DYSF: variants seen among roughly 807,000 people sequenced by gnomAD.
The protein encoded by DYSF is dystrophy-associated fer-1-like 1.
In DYSF, 212 loss-of-function variants were observed where a neutral mutation model predicts 274.9. The ratio of observed to expected loss-of-function variants is 0.77; its 90% CI spans 0.69 to 0.86. DYSF has a LOEUF of 0.86. Among genes scored for constraint, DYSF ranks in the 40% least tolerant of loss-of-function variants. The probability of loss-of-function intolerance (pLI) is 0.00; values close to 1 mark genes in which losing one functional copy is unlikely to be tolerated. For synonymous variants in DYSF, 1,091 were observed against 1,078.7 expected (o/e 1.01, Z -0.22); for missense variants, 2,666 against 2,783.2 (o/e 0.96, Z 0.95).
intron 36 of DYSF, among the ~76,000 whole-genome samples, chr2:71,605,530 G>A (rs529150674): frequency 2.6e-5 from 4 of 152,246 alleles, no homozygotes; most frequent in South Asian, 2.1e-4. Context: ...TCGGGGAGGT[G>A]GGGAGGGGAG....
rs374013538 is a variant in DYSF, at chr2:71,486,560, T to G, written c.239+4590T>G. Reference sequence around the variant, plus strand: ...TCACTGGCAGTTTAGGGTGATCTTGTTAAACCAGAGTGGTCTGCTGGCCCA... The same window carrying G: ...TCACTGGCAGTTTAGGGTGATCTTGGTAAACCAGAGTGGTCTGCTGGCCCA... On this transcript the variant is annotated intron_variant, in intron 3 of 55. Coordinates refer to ENST00000410020, the MANE Select transcript of DYSF (RefSeq NM_001130987.2). Among the ~76,000 whole-genome samples the G allele has an allele frequency of 1.9e-3, 290 of 152,262 alleles. 2 individuals carry two copies. The highest frequency in any genetic ancestry group is 5.6e-3 in the East Asian group (29 of 5,172).
chr2:71,559,453 C>T (rs140632031), intron 22 of DYSF, among the ~76,000 whole-genome samples: 81 of 152,314 alleles, frequency 5.3e-4, no homozygotes, highest in Non-Finnish European at 9.4e-4. Context: ...GTCATGCCTG[C>T]CTCCATGTCA....
intron 39 of DYSF, among the ~76,000 whole-genome samples, chr2:71,613,054 G>T (rs565303830): frequency 2.6e-5 from 4 of 152,234 alleles, no homozygotes; most frequent in Admixed American, 1.3e-4. Flanking sequence ...GTGGGCCCAG[G>T]GGGAGGGAGA....
At chr2:71,562,997 C>T (rs1417900585) in intron 23 of DYSF, among the ~76,000 whole-genome samples, 1 of 152,164 alleles carries the variant, frequency 6.6e-6, no homozygotes, top group African/African-American at 2.4e-5. Flanking sequence ...GTGGAGAGAG[C>T]CCTTCTCAAA....
chr2:71,470,939 C>T (rs2081992803), intron 1 of DYSF, among the ~76,000 whole-genome samples: 1 of 151,662 alleles, frequency 6.6e-6, no homozygotes, highest in African/African-American at 2.4e-5. Flanking sequence ...TTACAGGCAC[C>T]TGCAACCATG....
Position 71,590,216 on chromosome 2 carries a change from A to C in DYSF, c.3502A>C (p.Asn1168His). The change falls in exon 32 of 56, where the codon AAC (asparagine) becomes CAC (histidine). Residue 1168 changes from asparagine to histidine, a missense_variant. Transcript: ENST00000410020. ...TGTTTTTTCCCTTGGTGAAGATGGGAACCGCTACCATCTACGCTGCTACAT... is the reference window on the plus strand; with the variant it reads ...TGTTTTTTCCCTTGGTGAAGATGGGCACCGCTACCATCTACGCTGCTACAT... ...PTISCIFDYG[N>H]RYHLRCYMYQ... 6.2e-7 allele frequency: 1 copy of C among 1,614,048 alleles called. No homozygotes were observed. The highest frequency in any genetic ancestry group is 8.5e-7 in the Non-Finnish European group (1 of 1,180,000).
intron 29 of DYSF, among the ~76,000 whole-genome samples, chr2:71,571,500 ATCACACCCACCACACACAGC>A (rs1475719382): frequency 3.4e-5 from 4 of 116,632 alleles, no homozygotes; most frequent in Non-Finnish European, 6.9e-5. Context: ...GCACGCACAG[ATCACACCCACCACACACAGC>A]TCACACCCAG....
intron 30 of DYSF, among the ~76,000 whole-genome samples, chr2:71,580,285 G>A (rs2092845032): frequency 6.6e-6 from 1 of 152,262 alleles, no homozygotes; most frequent in Non-Finnish European, 1.5e-5. Flanking sequence ...AGGGTTGGTG[G>A]AGGCCAGCAT....
chr2:71,555,016 G>A (rs2091241245), intron 21 of DYSF, among the ~76,000 whole-genome samples: 1 of 152,164 alleles, frequency 6.6e-6, no homozygotes, highest in Non-Finnish European at 1.5e-5. Context: ...CAGGTGGAGG[G>A]AAGGGGGACT....
rs1353352875 is a variant in DYSF at position 71,570,732 on chromosome 2, A to G, written c.3219A>G (p.Ala1073=). ...GGAGGGATCTCAGCCAAATGGAAGC[A>G]CTGAAAAGGGTGAGCCAGCAGGTGG... ...LRRRDLSQME[A]LKRHRQAEAE... Residue 1073 remains alanine (A), a synonymous_variant, in exon 29 of 56, where the codon GCA becomes GCG. Coordinates refer to ENST00000410020, the MANE Select transcript of DYSF (RefSeq NM_001130987.2). 1.2e-6 allele frequency: 2 copies of G among 1,613,904 alleles called. No homozygotes were observed. The highest frequency in any genetic ancestry group is 2.2e-5 in the South Asian group (2 of 91,092).
chr2:71,546,370 G>A (rs1197057896), intron 17 of DYSF, among the ~76,000 whole-genome samples: 2 of 152,160 alleles, frequency 1.3e-5, no homozygotes, highest in South Asian at 4.1e-4. Flanking sequence ...GTATTTCCCC[G>A]CCTCAGGGTT....
chr2:71,508,390 A>C (rs2152724208), intron 4 of DYSF, among the ~76,000 whole-genome samples: 1 of 152,198 alleles, frequency 6.6e-6, no homozygotes, highest in African/African-American at 2.4e-5. Context: ...CATTTTTCCC[A>C]GTGTCCTTTG....
At chr2:71,679,020 G>C (rs753520481) in intron 52 of DYSF, 37 bp from the exon 53 acceptor site, 5 of 1,608,482 alleles carry the variant, frequency 3.1e-6, no homozygotes, top group Non-Finnish European at 4.3e-6. Context: ...GGCAGTGATC[G>C]AGAAACCCTT....
At chr2:71,464,069 T>A (rs746341583), upstream of DYSF, among the ~76,000 whole-genome samples, 2 of 152,190 alleles carry the variant, frequency 1.3e-5, no homozygotes, top group Non-Finnish European at 2.9e-5. Context: ...CCCATGCTCA[T>A]CCTAGCTCTG....
intron 42 of DYSF, among the ~76,000 whole-genome samples, chr2:71,651,023 C>A (rs556002636): frequency 2.5e-4 from 38 of 152,102 alleles, no homozygotes; most frequent in African/African-American, 8.2e-4. Context: ...TGTATCAAAA[C>A]AAATGAGGCA....
chr2:71,628,208 G>A lies in DYSF; in HGVS notation c.4527+7599G>A, dbSNP rs1309428526. Among the ~76,000 whole-genome samples, 4 of 151,918 alleles carry A rather than the reference G, an allele frequency of 2.6e-5. No homozygotes were observed. In the East Asian group the frequency reaches 5.8e-4, roughly 22 times the overall value. On this transcript the variant is annotated intron_variant, in intron 41 of 55. Transcript: ENST00000410020. ...GTGATTAGTATAGAAATTTTAACAT[G>A]GCATATTTAACTTAGCAAAGTCTAA...
chr2:71,565,138 T>C (rs1480424323), intron 24 of DYSF, among the ~76,000 whole-genome samples: 1 of 151,394 alleles, frequency 6.6e-6, no homozygotes, highest in Non-Finnish European at 1.5e-5. Context: ...TGGAGTGTAG[T>C]GGTGTGATCT....
upstream of DYSF, among the ~76,000 whole-genome samples, chr2:71,463,102 G>A (rs991891044): frequency 1.3e-5 from 2 of 152,190 alleles, no homozygotes; most frequent in African/African-American, 2.4e-5. Context: ...GTCGTCTAGG[G>A]CACCTAGGCT....
intron 36 of DYSF, among the ~76,000 whole-genome samples, chr2:71,605,580 C>T (rs2093632140): frequency 6.6e-6 from 1 of 152,114 alleles, no homozygotes; most frequent in South Asian, 2.1e-4. Flanking sequence ...TCTGCTGCTG[C>T]TCTCCTGCTG....
Sources: gnomAD v4.1 joint callset for allele counts (sites outside exome capture counted in the v4.1 genomes callset) on GRCh38, gnomAD v4.1.1 for gene constraint, MANE v1.5 for transcripts, NCBI Gene and HGNC (gene_info 2026-07-23, HGNC 2026-07-21) for gene names.